Variants in CCDC171 observed in about 807,000 individuals in gnomAD.
The protein encoded by CCDC171 is coiled-coil domain-containing protein 171.
CCDC171 carries 177 observed loss-of-function variants against 168.2 expected under a neutral mutation model. That is an observed-to-expected ratio of 1.05 (90% CI 0.93 to 1.19). The LOEUF is 1.19. Among genes scored for constraint, CCDC171 ranks in the 50% most tolerant of loss-of-function variants. CCDC171 has a pLI of 0.00. For missense variants in CCDC171, 1,991 were observed against 1,539.0 expected, an observed-to-expected ratio of 1.29 and a Z score of -4.91; for synonymous variants, 687 against 540.8, an observed-to-expected ratio of 1.27 and a Z score of -3.75.
At chr9:16,087,489 T>G in the CCDC171 span, among the ~76,000 whole-genome samples, 79 of 152,064 alleles carry the variant, frequency 5.2e-4, no homozygotes, top group African/African-American at 1.8e-3. Flanking sequence ...TGTAATGCCC[T>G]TCTTTGTCTT....
intron 4 of CCDC171, chr9:15,588,576 C>G (rs2041748867): frequency 6.1e-6 from 2 of 325,458 alleles, no homozygotes; most frequent in Admixed American, 7.1e-5. Context: ...CCAAAACAGA[C>G]CAGGCACAGG....
downstream of CCDC171, chr9:16,061,509 T>A (rs949514435): frequency 2.0e-5 from 3 of 152,204 alleles, no homozygotes; most frequent in Non-Finnish European, 4.4e-5. Context: ...TTCTATTTAA[T>A]AGTTTTTGCT....
At chr9:15,658,979 G>C (rs923367668) in intron 8 of CCDC171, among the ~76,000 whole-genome samples, 1 of 152,206 alleles carries the variant, frequency 6.6e-6, no homozygotes, top group Non-Finnish European at 1.5e-5. Context: ...GGGGAGGGAA[G>C]GAGCAATAGA....
At chr9:15,943,661 A>C (rs78851863) in intron 25 of CCDC171, among the ~76,000 whole-genome samples, 2 of 151,978 alleles carry the variant, frequency 1.3e-5, no homozygotes, top group Admixed American at 1.3e-4. Flanking sequence ...TCAATAAATT[A>C]TCTTCCCTTT....
chr9:16,063,525 A>C (rs1227602448), downstream of CCDC171, among the ~76,000 whole-genome samples: 1 of 152,214 alleles, frequency 6.6e-6, no homozygotes, highest in Non-Finnish European at 1.5e-5. Context: ...GGGGGGTTTT[A>C]GTATATTTCA....
At chr9:15,781,296 G>T (rs2057654804) in intron 20 of CCDC171, among the ~76,000 whole-genome samples, 1 of 152,204 alleles carries the variant, frequency 6.6e-6, no homozygotes, top group Non-Finnish European at 1.5e-5. Context: ...TTAGTGGAAG[G>T]TGACAGAATC....
chr9:16,045,532 C>T (rs551738600), intron 1 of CCDC171, among the ~76,000 whole-genome samples: 2 of 152,266 alleles, frequency 1.3e-5, no homozygotes, highest in South Asian at 4.1e-4. Context: ...TTGCCTAGTA[C>T]TCCCAGGGGG....
At chr9:15,866,218 G>A (rs2061779151) in intron 23 of CCDC171, among the ~76,000 whole-genome samples, 2 of 151,932 alleles carry the variant, frequency 1.3e-5, no homozygotes, top group Non-Finnish European at 2.9e-5. Flanking sequence ...TAAGCTAGGG[G>A]TTGATGTGGT....
Position 15,680,216 on chromosome 9 carries a change from C to T in CCDC171, c.1215+1320C>T, listed in dbSNP as rs558054510. ...GTACTTGGCTCAATAAACATTTGTT[C>T]GATGGATTTATTTGGTTGATGCAGA... On this transcript the variant is annotated intron_variant, in intron 10 of 25. Transcript: ENST00000380701. 2.6e-5 allele frequency among the ~76,000 whole-genome samples: 4 copies of T among 152,248 alleles called. No individual in the cohort carries two copies. The South Asian group carries it at 8.3e-4, about 32-fold the overall frequency.
chr9:15,689,218 C>T (rs761928497), intron 10 of CCDC171, among the ~76,000 whole-genome samples: 1 of 152,030 alleles, frequency 6.6e-6, no homozygotes, highest in Non-Finnish European at 1.5e-5. Flanking sequence ...TAAACAAGGT[C>T]GAAATAAATG....
chr9:15,814,683 T>A (rs2059493927), intron 21 of CCDC171, among the ~76,000 whole-genome samples: 1 of 152,046 alleles, frequency 6.6e-6, no homozygotes, highest in African/African-American at 2.4e-5. Context: ...ATTTTTATTA[T>A]ATATAGAAAA....
intron 3 of CCDC171, among the ~76,000 whole-genome samples, chr9:15,997,833 A>G (rs1832418565): frequency 6.6e-6 from 1 of 152,114 alleles, no homozygotes; most frequent in African/African-American, 2.4e-5. Flanking sequence ...GGTGTGCCCA[A>G]GTGGATCACC....
intron 22 of CCDC171, among the ~76,000 whole-genome samples, chr9:15,847,746 A>C (rs548246197): frequency 6.6e-6 from 1 of 152,220 alleles, no homozygotes; most frequent in South Asian, 2.1e-4. Flanking sequence ...TATAGTCTGT[A>C]AACTGCAGAA....
intron 23 of CCDC171, among the ~76,000 whole-genome samples, chr9:15,853,498 A>G (rs747349628): frequency 1.1e-4 from 16 of 151,596 alleles, no homozygotes; most frequent in Non-Finnish European, 2.4e-4. Flanking sequence ...GTATGCATGT[A>G]TAGCTTCTTT....
chr9:16,000,051 G>C (rs1285845372), intron 3 of CCDC171, among the ~76,000 whole-genome samples: 1 of 152,164 alleles, frequency 6.6e-6, no homozygotes, highest in Admixed American at 6.5e-5. Context: ...ATAATGCCCT[G>C]AGACCTGCAA....
chr9:15,673,142 A>G lies in CCDC171; in HGVS notation c.1077-5616A>G, dbSNP rs200108343. ...ATTATGAATGGGAGTTCACTCATGA[A>G]TTGGCTGTCTGTCTGTTATTGGTGT... On this transcript the variant is annotated intron_variant, in intron 9 of 25. Coordinates refer to ENST00000380701, the MANE Select transcript of CCDC171 (RefSeq NM_173550.4). Among the ~76,000 whole-genome samples, 854 of 151,880 alleles carry G rather than the reference A, an allele frequency of 5.6e-3. 10 individuals are homozygous for G. The highest frequency in any genetic ancestry group is 0.02 in the African/African-American group (825 of 41,488).
At chr9:15,650,942 A>G (rs1000377586) in intron 7 of CCDC171, among the ~76,000 whole-genome samples, 3 of 151,948 alleles carry the variant, frequency 2.0e-5, no homozygotes, top group African/African-American at 7.3e-5. Flanking sequence ...CTGCTATCTA[A>G]CTTTAGGACT....
In CCDC171 at chr9:15,594,058, T is replaced by G; in HGVS notation, c.561T>G (p.His187Gln). Reference protein sequence around the residue: ...EKTLQEALEKHQREKNEMESH... With the variant: ...EKTLQEALEKQQREKNEMESH... ...ATATAAAGGAAGCGTTGGAAAAACA[T>G]CAACGGGAGAAGAATGAGATGGAGT... Residue 187 changes from histidine to glutamine, a missense_variant, in exon 6 of 26, where the codon CAT (histidine) becomes CAG (glutamine). His to Gln is a conservative substitution (Grantham distance 24, BLOSUM62 0). Transcript: ENST00000380701. The G allele has an allele frequency of 1.9e-6, 3 of 1,589,746 alleles. No individual in the cohort carries two copies. Among genetic ancestry groups the G allele is most frequent in the Non-Finnish European group, 2.6e-6 (3 of 1,167,160 alleles).
chr9:15,849,113 A>G (rs1355193854), intron 23 of CCDC171, among the ~76,000 whole-genome samples, 166 bp downstream of exon 23: 2 of 151,756 alleles, frequency 1.3e-5, no homozygotes, highest in African/African-American at 2.4e-5. Context: ...GCTATATTGC[A>G]TGCTTTTTTT....
Sources: allele counts gnomAD v4.1 joint callset (sites outside exome capture counted in the v4.1 genomes callset), GRCh38; gene constraint gnomAD v4.1.1; transcripts MANE v1.5; gene names NCBI Gene and HGNC (gene_info 2026-07-23, HGNC 2026-07-21).